The following KIAA1671 variants were observed in gnomAD, a reference collection of about 807,000 sequenced individuals.
The protein encoded by KIAA1671 is uncharacterized protein KIAA1671.
KIAA1671 carries 52 observed loss-of-function variants against 131.2 expected under a neutral mutation model. The observed-to-expected ratio is 0.40, with a 90% CI of 0.32 to 0.50. The LOEUF is 0.50. Among genes scored for constraint, KIAA1671 ranks in the 20% least tolerant of loss-of-function variants. The probability of loss-of-function intolerance (pLI) is 0.73; values close to 1 mark genes in which losing one functional copy is unlikely to be tolerated. For synonymous variants in KIAA1671, 1,003 were observed against 961.6 expected, an observed-to-expected ratio of 1.04 and a Z score of -0.80; for missense variants, 2,360 against 2,364.2, an observed-to-expected ratio of 1.00 and a Z score of 0.04.
At chr22:25,108,116 C>A (rs1787331139) in intron 6 of KIAA1671, among the ~76,000 whole-genome samples, 1 of 152,308 alleles carries the variant, frequency 6.6e-6, no homozygotes, top group South Asian at 2.1e-4. Context: ...TGTTAAATTT[C>A]TTCCAGGAAA....
At chr22:25,138,868 T>C (rs966654694) in intron 6 of KIAA1671, among the ~76,000 whole-genome samples, 1 of 152,212 alleles carries the variant, frequency 6.6e-6, no homozygotes, top group Non-Finnish European at 1.5e-5. Context: ...ATCGAGTGTC[T>C]GCCATGTGCC....
At chr22:25,104,311 C>T (rs1250179332) in intron 6 of KIAA1671, among the ~76,000 whole-genome samples, 1 of 152,128 alleles carries the variant, frequency 6.6e-6, no homozygotes, top group African/African-American at 2.4e-5. Context: ...ATTAGTGTAC[C>T]TCTTAGTCTA....
intron 11 of KIAA1671, among the ~76,000 whole-genome samples, chr22:25,188,450 GTGTGTGT>G (rs1934551777): frequency 1.0e-3 from 21 of 20,750 alleles, no homozygotes; most frequent in Admixed American, 3.8e-3. Context: ...CCAATCGGGT[GTGTGTGT>G]GTGTGTGTGT....
At position 25,039,079 on chromosome 22, in the gene KIAA1671, C is replaced by T. The variant is rs1341890691; in HGVS notation, c.1949C>T (p.Pro650Leu). 8 of 1,551,566 alleles carry T rather than the reference C, an allele frequency of 5.2e-6. No homozygotes were observed. The highest frequency in any genetic ancestry group is 2.0e-5 in the Admixed American group (1 of 50,984). Reference sequence around the variant, plus strand: ...CATGCCCGTGTCTCAGAACCCAGGCCGAGGCCTGAGATGGGCTCTTGGCTG... The same window carrying T: ...CATGCCCGTGTCTCAGAACCCAGGCTGAGGCCTGAGATGGGCTCTTGGCTG... ...MAHARVSEPR[P>L]RPEMGSWLGR... Residue 650 changes from proline (P) to leucine (L), a missense_variant, in exon 5 of 13, where the codon CCG becomes CTG. Transcript: ENST00000358431.
chr22:24,975,323 T>TC (rs1476223093), intron 1 of KIAA1671, among the ~76,000 whole-genome samples: 1 of 151,832 alleles, frequency 6.6e-6, no homozygotes, highest in Non-Finnish European at 1.5e-5. Flanking sequence ...TTTTTTTTTT[T>TC]CAGTTTTTTT....
rs1457242048 is a variant in KIAA1671 at position 25,039,024 on chromosome 22, C to G, written c.1894C>G (p.Leu632Val). ...HTVADQSGRC[L>V]STTPPGDMAH... ...AGTGGCTGACCAGTCGGGACGTTGT[C>G]TCTCCACCACACCCCCTGGTGACAT... is the stretch of plus-strand genomic sequence containing the variant. Residue 632 changes from leucine to valine, a missense_variant, in exon 5 of 13, where the codon CTC becomes GTC. Transcript: ENST00000358431. 7.1e-5 allele frequency: 110 copies of G among 1,551,610 alleles called. No individual in the cohort carries two copies. Among genetic ancestry groups the G allele is most frequent in the Non-Finnish European group, 8.9e-5 (102 of 1,147,036 alleles).
intron 6 of KIAA1671, chr22:25,070,093 AG>A (rs1286259210): frequency 5.8e-5 from 20 of 343,574 alleles, no homozygotes; most frequent in Admixed American, 3.8e-4. Flanking sequence ...AGCTGGGTTC[AG>A]AAGGATCCAC....
chr22:25,141,387 C>T (rs976818119), intron 6 of KIAA1671, among the ~76,000 whole-genome samples: 34 of 141,506 alleles, frequency 2.4e-4, no homozygotes, highest in African/African-American at 8.2e-4. Flanking sequence ...CGCCTGCCAC[C>T]ACACCTGGCT....
chr22:24,999,061 CGA>C (rs1239537951), intron 1 of KIAA1671, among the ~76,000 whole-genome samples: 1 of 151,980 alleles, frequency 6.6e-6, no homozygotes, highest in East Asian at 1.9e-4. Context: ...GGTTAGGTGT[CGA>C]GATTCAGCTT....
chr22:24,984,998 A>G (rs1923444119), intron 1 of KIAA1671, among the ~76,000 whole-genome samples: 1 of 150,668 alleles, frequency 6.6e-6, no homozygotes, highest in Non-Finnish European at 1.5e-5. Context: ...GAGGGTTGTT[A>G]TAGTATCCTA....
intron 6 of KIAA1671, among the ~76,000 whole-genome samples, chr22:25,085,299 A>G (rs1220853601): frequency 6.6e-6 from 1 of 152,196 alleles, no homozygotes; most frequent in Non-Finnish European, 1.5e-5. Flanking sequence ...GCCAAGGGGA[A>G]CCAACACTGC....
In KIAA1671 at chr22:25,018,014, C is replaced by A. The variant is rs1480306656; in HGVS notation, c.-207-7619C>A. 3.9e-5 allele frequency among the ~76,000 whole-genome samples: 6 copies of A among 151,962 alleles called. No homozygotes were observed. In the East Asian group the frequency reaches 1.2e-3, roughly 29 times the overall value. ...TTTGCATATGTGTTTCCTCTGCTGACACCAACCTCCTCCTCCTCCTCCTCC... is the reference window on the plus strand; with the variant it reads ...TTTGCATATGTGTTTCCTCTGCTGAAACCAACCTCCTCCTCCTCCTCCTCC... On this transcript the variant is annotated intron_variant, in intron 1 of 12. Transcript: ENST00000358431.
rs558649925 is a variant in KIAA1671 at position 25,027,811 on chromosome 22, G to A, written c.-55-134G>A. 1.2e-5 allele frequency: 6 copies of A among 488,314 alleles called. No homozygotes were observed. In the South Asian group the frequency reaches 1.3e-4, roughly 11 times the overall value. 30.2% of individuals were successfully genotyped at this position (488,314 alleles called of 1,614,324 possible). ...GGGGAGAGGCAGGCCCAAGCCTGCC[G>A]GGTGAGGTCAGCAGAGGGCTGTCGT... On this transcript the variant is annotated intron_variant, in intron 2 of 12. Coordinates refer to ENST00000358431, the MANE Select transcript of KIAA1671 (RefSeq NM_001145206.2).
intron 6 of KIAA1671, chr22:25,112,330 C>T: frequency 2.5e-6 from 1 of 399,074 alleles, no homozygotes; most frequent in Non-Finnish European, 4.4e-6. Context: ...GCCGGACCCC[C>T]TTCAAGCGTA....
At chr22:24,960,069 T>C (rs939815640) in intron 1 of KIAA1671, among the ~76,000 whole-genome samples, 3 of 149,612 alleles carry the variant, frequency 2.0e-5, no homozygotes, top group African/African-American at 7.4e-5. Flanking sequence ...GGGAGGGAGA[T>C]TGCAGTGAAT....
At chr22:25,168,123 C>T (rs995688510) in intron 6 of KIAA1671, among the ~76,000 whole-genome samples, 16 of 152,200 alleles carry the variant, frequency 1.1e-4, no homozygotes, top group African/African-American at 3.1e-4. Flanking sequence ...GCTGGCTCCC[C>T]TGCCTGGGAA....
intron 6 of KIAA1671, among the ~76,000 whole-genome samples, chr22:25,084,488 A>G (rs972657249): frequency 6.6e-6 from 1 of 150,858 alleles, no homozygotes; most frequent in African/African-American, 2.4e-5. Flanking sequence ...GACAATGTAT[A>G]AAAGGTATTT....
intron 1 of KIAA1671, among the ~76,000 whole-genome samples, chr22:25,007,774 T>C (rs545661202): frequency 2.0e-5 from 3 of 152,152 alleles, no homozygotes; most frequent in Non-Finnish European, 4.4e-5. Flanking sequence ...TTGCATGTAA[T>C]TAAAAGTGGG....
chr22:25,035,218 T>C (rs79181134), intron 4 of KIAA1671, among the ~76,000 whole-genome samples: 13,235 of 151,902 alleles, frequency 0.087, 1,906 homozygotes, highest in African/African-American at 0.3. Flanking sequence ...CTTAATTTTT[T>C]GTATTTTTAG....
Sources: allele counts gnomAD v4.1 joint callset (sites outside exome capture counted in the v4.1 genomes callset), GRCh38; gene constraint gnomAD v4.1.1; transcripts MANE v1.5; gene names NCBI Gene and HGNC (gene_info 2026-07-23, HGNC 2026-07-21).